Variants in ISM1 observed in about 807,000 individuals in gnomAD.
The protein encoded by ISM1 is isthmin 1.
A neutral mutation model predicts 46.3 loss-of-function variants in ISM1; 25 were observed. The ratio of observed to expected loss-of-function variants is 0.54; its 90% CI spans 0.39 to 0.75. The LOEUF is 0.75. ISM1 is among the 30% of genes least tolerant of loss of function. The probability of loss-of-function intolerance (pLI) is 0.00; values close to 1 mark genes in which losing one functional copy is unlikely to be tolerated. For synonymous variants in ISM1, 255 were observed against 256.7 expected, an observed-to-expected ratio of 0.99 and a Z score of 0.06; for missense variants, 536 against 625.4, an observed-to-expected ratio of 0.86 and a Z score of 1.52.
At chr20:13,278,776 A>G (rs1048427643) in intron 2 of ISM1, among the ~76,000 whole-genome samples, 2 of 152,204 alleles carry the variant, frequency 1.3e-5, no homozygotes, top group Non-Finnish European at 2.9e-5. Flanking sequence ...TGTTGGCTAG[A>G]GTGACCCAAT....
At chr20:13,254,171 T>G (rs1307618868) in intron 1 of ISM1, among the ~76,000 whole-genome samples, 3 of 151,708 alleles carry the variant, frequency 2.0e-5, no homozygotes, top group African/African-American at 7.3e-5. Flanking sequence ...AGGGGGAGGT[T>G]GCAGTGAGCC....
intron 2 of ISM1, among the ~76,000 whole-genome samples, chr20:13,274,040 G>A (rs1400124513): frequency 6.7e-6 from 1 of 148,390 alleles, no homozygotes; most frequent in Non-Finnish European, 1.5e-5. Context: ...GGGAGCCCCC[G>A]CCTTCTGTTG....
chr20:13,312,294 C>A, the ISM1 span, among the ~76,000 whole-genome samples: 1 of 152,164 alleles, frequency 6.6e-6, no homozygotes. Context: ...TATGTGAGTT[C>A]ACAGTCGGCA....
At chr20:13,290,830 T>A (rs1393310424) in intron 4 of ISM1, among the ~76,000 whole-genome samples, 1 of 152,232 alleles carries the variant, frequency 6.6e-6, no homozygotes, top group Non-Finnish European at 1.5e-5. Context: ...GTATTTATGA[T>A]TGTACTCATT....
chr20:13,289,596 T>C (rs564482613), intron 4 of ISM1, among the ~76,000 whole-genome samples: 4 of 151,768 alleles, frequency 2.6e-5, no homozygotes, highest in Middle Eastern at 6.8e-3. Flanking sequence ...TTTAAACTGT[T>C]GTGAAGAGAA....
At chr20:13,270,011 G>A (rs1314190036) in intron 1 of ISM1, among the ~76,000 whole-genome samples, 4 of 152,054 alleles carry the variant, frequency 2.6e-5, no homozygotes, top group Non-Finnish European at 5.9e-5. Flanking sequence ...TAGACAAATG[G>A]ACAGACAAAT....
At position 13,263,157 on chromosome 20, in the gene ISM1, C is replaced by T. The variant is rs80119734; in HGVS notation, c.139-7347C>T. The stretch of plus-strand genomic sequence containing the variant: ...GCACTGTCATGCTTGCTATAAAATA[C>T]GGCCATTGACATTTGCTCTGTTCCT... On this transcript the variant is annotated intron_variant, in intron 1 of 5. Coordinates refer to ENST00000262487, the MANE Select transcript of ISM1 (RefSeq NM_080826.2). Among the ~76,000 whole-genome samples, 50 of 152,290 alleles carry T rather than the reference C, an allele frequency of 3.3e-4. No homozygotes were observed. The East Asian group carries it at 8.3e-3, about 25-fold the overall frequency.
chr20:13,267,307 G>C (rs377413741), intron 1 of ISM1, among the ~76,000 whole-genome samples: 1 of 152,180 alleles, frequency 6.6e-6, no homozygotes, highest in East Asian at 1.9e-4. Flanking sequence ...GCCTGTGTCT[G>C]GGGGGCAGGG....
intron 1 of ISM1, among the ~76,000 whole-genome samples, chr20:13,256,382 T>A (rs1268116146): frequency 1.6e-5 from 2 of 121,286 alleles, no homozygotes; most frequent in African/African-American, 6.8e-5. Context: ...GGCAACAGAG[T>A]GAGACCCCGT....
At chr20:13,263,258 T>C (rs1356764035) in intron 1 of ISM1, among the ~76,000 whole-genome samples, 2 of 152,160 alleles carry the variant, frequency 1.3e-5, no homozygotes, top group Non-Finnish European at 2.9e-5. Context: ...GTCATCTGTG[T>C]CTTCACAGTG....
At chr20:13,325,815 A>G in the ISM1 span, among the ~76,000 whole-genome samples, 1 of 152,198 alleles carries the variant, frequency 6.6e-6, no homozygotes, top group Non-Finnish European at 1.5e-5. Flanking sequence ...CAAGTATAAT[A>G]TTTGACATAC....
chr20:13,296,333 A>G (rs1232578406), intron 5 of ISM1, among the ~76,000 whole-genome samples: 1 of 152,212 alleles, frequency 6.6e-6, no homozygotes, highest in Non-Finnish European at 1.5e-5. Context: ...GTCCCCTGTC[A>G]GTGATGAATG....
At chr20:13,246,576 C>T (rs2039796847) in intron 1 of ISM1, among the ~76,000 whole-genome samples, 1 of 152,108 alleles carries the variant, frequency 6.6e-6, no homozygotes, top group African/African-American at 2.4e-5. Context: ...ATGCCTTCAC[C>T]ACATTTAAGG....
intron 1 of ISM1, among the ~76,000 whole-genome samples, chr20:13,263,655 C>T (rs1455655343): frequency 3.3e-5 from 5 of 152,120 alleles, no homozygotes; most frequent in East Asian, 1.9e-4. Context: ...GATAAAGCCC[C>T]GAGTGTGTTT....
chr20:13,299,667 C>T lies in ISM1; in HGVS notation c.*208C>T, dbSNP rs2040441634. On this transcript the variant is annotated 3_prime_UTR_variant, in exon 6 of 6. Coordinates refer to ENST00000262487, the MANE Select transcript of ISM1 (RefSeq NM_080826.2). This position sits in a 1 kb window ranked among gnomAD's most constrained non-coding sequence, Gnocchi z 5.8. ...GCCGCCCTCGCCATCTGCAGAGCTC[C>T]TTGAAAGTGCCCCTGGGGAGCGATG... 2 of 508,736 alleles carry T rather than the reference C, an allele frequency of 3.9e-6. No homozygotes were observed. The highest frequency in any genetic ancestry group is 3.4e-6 in the Non-Finnish European group (1 of 291,658). 31.5% of individuals were successfully genotyped at this position (508,736 alleles called of 1,614,324 possible). A position where few individuals can be genotyped will look rare whatever the true frequency, so the allele number is the denominator to read the frequency against.
intron 2 of ISM1, among the ~76,000 whole-genome samples, chr20:13,274,665 T>TCCCCCCCC: frequency 2.2e-5 from 1 of 44,520 alleles, no homozygotes. Context: ...CCCTCTCCAC[T>TCCCCCCCC]CCCCGCCCCC....
At chr20:13,235,215 T>C (rs1375086474) in intron 1 of ISM1, among the ~76,000 whole-genome samples, 1 of 152,174 alleles carries the variant, frequency 6.6e-6, no homozygotes, top group Non-Finnish European at 1.5e-5. Context: ...ACACTATGGG[T>C]CTCCCATTCT....
chr20:13,245,079 C>T (rs1258024709), intron 1 of ISM1, among the ~76,000 whole-genome samples: 2 of 152,156 alleles, frequency 1.3e-5, no homozygotes, highest in African/African-American at 4.8e-5. Context: ...GCACTTATTC[C>T]CTGCCACCCC....
intron 1 of ISM1, among the ~76,000 whole-genome samples, chr20:13,253,563 G>A (rs949516480): frequency 4.6e-5 from 7 of 152,150 alleles, no homozygotes; most frequent in South Asian, 4.1e-4. Context: ...GAGGTTCTCA[G>A]ATGTGAGCCT....
Sources: gnomAD v4.1 joint callset for allele counts (sites outside exome capture counted in the v4.1 genomes callset) on GRCh38, gnomAD v4.1.1 for gene constraint, Gnocchi (gnomAD v3.1) non-coding constraint, MANE v1.5 for transcripts, NCBI Gene and HGNC (gene_info 2026-07-23, HGNC 2026-07-21) for gene names.